Variants in CTNNBIP1 observed in about 807,000 individuals in gnomAD.
CTNNBIP1 encodes the protein beta-catenin-interacting protein 1.
A neutral mutation model predicts 11.8 loss-of-function variants in CTNNBIP1; 7 were observed. The observed-to-expected ratio is 0.60, with a 90% CI of 0.34 to 1.12. CTNNBIP1 has a LOEUF of 1.12. Among genes scored for constraint, CTNNBIP1 ranks in the 50% most tolerant of loss-of-function variants. CTNNBIP1 has a pLI of 0.03. For synonymous variants in CTNNBIP1, 58 were observed against 43.9 expected (o/e 1.32, Z -1.26); for missense variants, 101 against 113.4 (o/e 0.89, Z 0.50).
At chr1:9,903,317 G>T (rs557141125) in intron 1 of CTNNBIP1, among the ~76,000 whole-genome samples, 6 of 151,922 alleles carry the variant, frequency 3.9e-5, no homozygotes, top group Admixed American at 3.3e-4. Flanking sequence ...TGCCATTGGG[G>T]GTCCTCAATC....
chr1:9,869,037 T>C (rs1008021779), intron 5 of CTNNBIP1, among the ~76,000 whole-genome samples: 8 of 152,330 alleles, frequency 5.3e-5, no homozygotes, highest in African/African-American at 1.9e-4. Flanking sequence ...TCTCCCTCTG[T>C]TGCCCAGGCT....
chr1:9,886,791 G>A (rs1639195995), intron 1 of CTNNBIP1, among the ~76,000 whole-genome samples: 1 of 152,168 alleles, frequency 6.6e-6, no homozygotes, highest in South Asian at 2.1e-4. Context: ...TCCCACACAA[G>A]GTAGCACCTC....
chr1:9,854,744 T>C (rs1638467392), intron 5 of CTNNBIP1, among the ~76,000 whole-genome samples: 1 of 152,098 alleles, frequency 6.6e-6, no homozygotes, highest in African/African-American at 2.4e-5. Context: ...TGGCATAATC[T>C]TCACTGACTG....
chr1:9,869,487 G>A (rs913692515), intron 5 of CTNNBIP1, among the ~76,000 whole-genome samples: 1 of 152,124 alleles, frequency 6.6e-6, no homozygotes, highest in Non-Finnish European at 1.5e-5. Context: ...ACCATGCCCA[G>A]CTAACTTTTG....
At chr1:9,892,236 C>G (rs866020330) in intron 1 of CTNNBIP1, among the ~76,000 whole-genome samples, 68 of 152,104 alleles carry the variant, frequency 4.5e-4, no homozygotes, top group Middle Eastern at 3.4e-3. Flanking sequence ...TCCTGGCTAA[C>G]ACGGTGAAAC....
intron 1 of CTNNBIP1, among the ~76,000 whole-genome samples, chr1:9,892,684 G>A (rs760244623): frequency 1.3e-5 from 2 of 152,130 alleles, no homozygotes; most frequent in Non-Finnish European, 1.5e-5. Flanking sequence ...AAAGATATAG[G>A]TGTATCTGTT....
intron 1 of CTNNBIP1, among the ~76,000 whole-genome samples, chr1:9,890,858 A>G (rs759223441): frequency 7.9e-5 from 12 of 152,220 alleles, no homozygotes; most frequent in South Asian, 2.1e-4. Flanking sequence ...TAAGTCCCCA[A>G]AAGGCAAATT....
chr1:9,874,819 T>A (rs1323172154), intron 3 of CTNNBIP1, among the ~76,000 whole-genome samples: 2 of 152,194 alleles, frequency 1.3e-5, no homozygotes, highest in African/African-American at 4.8e-5. Context: ...CCTAACCCAG[T>A]CTCCCATAAC....
intron 1 of CTNNBIP1, among the ~76,000 whole-genome samples, chr1:9,904,832 G>A (rs1639587261): frequency 6.6e-6 from 1 of 152,174 alleles, no homozygotes; most frequent in Admixed American, 6.5e-5. Flanking sequence ...AAGCTGCTAA[G>A]CACTGGCAAC....
chr1:9,879,557 G>A (rs6686017), intron 2 of CTNNBIP1, among the ~76,000 whole-genome samples: 10,495 of 152,038 alleles, frequency 0.069, 1,223 homozygotes, highest in African/African-American at 0.24. Flanking sequence ...CACTGCCACC[G>A]CCTCCACCGT....
intron 1 of CTNNBIP1, among the ~76,000 whole-genome samples, chr1:9,899,324 C>T (rs1014615564): frequency 2.0e-5 from 3 of 150,900 alleles, no homozygotes; most frequent in Admixed American, 1.3e-4. Context: ...GGTGTGGTGG[C>T]GTGCACCTGT....
intron 1 of CTNNBIP1, among the ~76,000 whole-genome samples, chr1:9,902,580 C>A (rs552856275): frequency 6.6e-6 from 1 of 152,120 alleles, no homozygotes; most frequent in Non-Finnish European, 1.5e-5. Context: ...CCCAGCCCCC[C>A]ACCTTAATGT....
chr1:9,885,558 C>T (rs1034789872), intron 1 of CTNNBIP1, among the ~76,000 whole-genome samples: 6 of 151,580 alleles, frequency 4.0e-5, no homozygotes, highest in African/African-American at 1.2e-4. Flanking sequence ...GTGGGAGGAT[C>T]GCTTGAGCCT....
Position 9,851,729 on chromosome 1 carries a change from C to T in CTNNBIP1, c.188-953G>A, listed in dbSNP as rs1399219135. On this transcript the variant is annotated intron_variant, in intron 5 of 5. Transcript: ENST00000377263. This position sits in a 1 kb window ranked among gnomAD's most constrained non-coding sequence, Gnocchi z 4.8. ...TCTGGCCCAGGCACTTGTGAAATCA[C>T]GTCCTTTGTCTTGTTTTCCAGAGGA... 2.0e-5 allele frequency among the ~76,000 whole-genome samples: 3 copies of T among 152,308 alleles called. No homozygotes were observed. Among genetic ancestry groups the T allele is most frequent in the South Asian group, 2.1e-4 (1 of 4,824 alleles).
At chr1:9,878,567 C>T (rs577338741) in intron 2 of CTNNBIP1, among the ~76,000 whole-genome samples, 15 of 152,340 alleles carry the variant, frequency 9.8e-5, no homozygotes, top group African/African-American at 3.4e-4. Context: ...ACAGCCTAGC[C>T]ACATGTCTAC....
At chr1:9,894,587 G>GTGCAATCTCAGCTCAC (rs1639372894) in intron 1 of CTNNBIP1, among the ~76,000 whole-genome samples, 1 of 151,944 alleles carries the variant, frequency 6.6e-6, no homozygotes, top group South Asian at 2.1e-4. Context: ...GAGTGTAGTG[G>GTGCAATCTCAGCTCAC]TGCAATCTCA....
At chr1:9,907,503 A>C (rs1229292405) in intron 1 of CTNNBIP1, among the ~76,000 whole-genome samples, 1 of 152,158 alleles carries the variant, frequency 6.6e-6, no homozygotes, top group Non-Finnish European at 1.5e-5. Context: ...GTTTGTGGCC[A>C]CTGAAACATT....
intron 1 of CTNNBIP1, among the ~76,000 whole-genome samples, chr1:9,898,147 T>C (rs1255660771): frequency 2.0e-5 from 3 of 150,918 alleles, no homozygotes; most frequent in Non-Finnish European, 4.4e-5. Context: ...AATTAAAAAA[T>C]TTAAAAAGAA....
intron 5 of CTNNBIP1, among the ~76,000 whole-genome samples, chr1:9,852,242 C>T (rs1468019021): frequency 6.6e-6 from 1 of 152,162 alleles, no homozygotes; most frequent in Non-Finnish European, 1.5e-5. Context: ...GGAGGACGCA[C>T]CCAGCTGTCG....
Sources: allele counts gnomAD v4.1 joint callset (sites outside exome capture counted in the v4.1 genomes callset), GRCh38; gene constraint gnomAD v4.1.1; non-coding constraint Gnocchi (gnomAD v3.1); transcripts MANE v1.5; gene names NCBI Gene and HGNC (gene_info 2026-07-23, HGNC 2026-07-21).